ELP2: variants seen among roughly 807,000 people sequenced by gnomAD.
ELP2 encodes elongator complex protein 2.
A neutral mutation model predicts 119.2 loss-of-function variants in ELP2; 90 were observed. The ratio of observed to expected loss-of-function variants is 0.75; its 90% CI spans 0.64 to 0.90. ELP2 has a LOEUF of 0.90. ELP2 is among the 40% of genes least tolerant of loss of function. ELP2 has a pLI of 0.00. For missense variants in ELP2, 921 were observed against 967.8 expected, an observed-to-expected ratio of 0.95 and a Z score of 0.64; for synonymous variants, 339 against 331.0, an observed-to-expected ratio of 1.02 and a Z score of -0.26.
At chr18:36,134,444 G>A (rs1598735034) in intron 2 of ELP2, among the ~76,000 whole-genome samples, 1 of 152,214 alleles carries the variant, frequency 6.6e-6, no homozygotes, top group East Asian at 1.9e-4. Flanking sequence ...ATGTAAAATA[G>A]TTCCTCTCTT....
Position 36,142,889 on chromosome 18 carries a change from T to A in ELP2, c.719T>A (p.Ile240Lys). 6.2e-7 allele frequency: 1 copy of A among 1,604,160 alleles called. No individual in the cohort carries two copies. The highest frequency in any genetic ancestry group is 8.5e-7 in the Non-Finnish European group (1 of 1,171,842). ...CTGATAAGAATATGGAAGCTGTATA[T>A]AAAGTCAACATCTTTAGAAACTCAG... ...DCLIRIWKLY[I>K]KSTSLETQDD... The change falls in exon 8 of 22, where the codon ATA becomes AAA. Residue 240 changes from isoleucine to lysine, a missense_variant. By Grantham distance (102) the Ile-to-Lys change is moderately radical. Coordinates refer to ENST00000358232, the MANE Select transcript of ELP2 (RefSeq NM_018255.4).
chr18:36,130,482 T>C (rs1315472062), intron 1 of ELP2, among the ~76,000 whole-genome samples: 1 of 152,234 alleles, frequency 6.6e-6, no homozygotes, highest in African/African-American at 2.4e-5. Context: ...TCAGTTTTGG[T>C]TAATGAACTT....
rs748817821 is a variant in ELP2, at chr18:36,167,083, T to C, written c.1955-18T>C. The C allele has an allele frequency of 1.3e-5, 20 of 1,594,388 alleles. No homozygotes were observed. The East Asian group carries it at 3.8e-4, about 31-fold the overall frequency. On this transcript the variant is annotated intron_variant, in intron 18 of 21. Transcript: ENST00000358232. The stretch of plus-strand genomic sequence containing the variant: ...AGCTTTCTCTGCTTTGTGAATAGTG[T>C]ATACATATTTCTTTCAGAGCCAGTT...
rs772016433 is a variant in ELP2, at chr18:36,146,095, C to T, written c.993+47C>T. The T allele has an allele frequency of 7.5e-6, 12 of 1,594,398 alleles. No individual in the cohort carries two copies. The Admixed American group carries it at 1.5e-4, about 20-fold the overall frequency. On this transcript the variant is annotated intron_variant, in intron 10 of 21. Coordinates refer to ENST00000358232, the MANE Select transcript of ELP2 (RefSeq NM_018255.4). ...GGAACAGAAAATTAAGTTTTGAACT[C>T]TGTATTTAAATCCCAAGTCTATATT...
chr18:36,133,362 T>A, intron 2 of ELP2, 46 bp downstream of exon 2: 1 of 1,434,908 alleles, frequency 7.0e-7, no homozygotes, highest in Non-Finnish European at 9.8e-7. Flanking sequence ...TGTTTTCTGA[T>A]AAAATAAGGT....
Position 36,154,995 on chromosome 18 carries a change from C to G in ELP2, c.1271C>G (p.Ser424Ter). 6.2e-7 allele frequency: 1 copy of G among 1,611,704 alleles called. No homozygotes were observed. The highest frequency in any genetic ancestry group is 8.5e-7 in the Non-Finnish European group (1 of 1,177,860). Residue 424 changes from serine to a stop codon, truncating the protein, a stop_gained, in exon 12 of 22, where the codon TCA (serine) becomes TGA (stop). Coordinates refer to ENST00000358232, the MANE Select transcript of ELP2 (RefSeq NM_018255.4). LOFTEE classifies it high-confidence loss of function. ...GCTCCATGGAAGAGAAAAGACCAAT[C>G]ACAGGTAAAATGTCTTATTTATTTA... is the stretch of plus-strand genomic sequence containing the variant. ...LFAPWKRKDQ[S>*]QVTWHEIARP... is the part of the protein sequence containing the mutation.
chr18:36,149,349 G>A (rs921851703), intron 11 of ELP2, among the ~76,000 whole-genome samples: 2 of 152,076 alleles, frequency 1.3e-5, no homozygotes, highest in Admixed American at 6.6e-5. Context: ...TTACCACCAG[G>A]CAATGTAGCT....
chr18:36,179,289 C>G lies in ELP2; in HGVS notation c.*4648C>G, dbSNP rs980246358. 4 of 137,648 alleles carry G rather than the reference C, an allele frequency of 2.9e-5. No homozygotes were observed. Among genetic ancestry groups the G allele is most frequent in the East Asian group, 4.1e-4 (2 of 4,922 alleles). 8.5% of individuals were successfully genotyped at this position (137,648 alleles called of 1,614,324 possible). ...CCAGCCTGGCCAACATGGTGAAACC[C>G]CATCTCTACTAAAAATACAAAAAAA... On this transcript the variant is annotated 3_prime_UTR_variant, in exon 22 of 22. Transcript: ENST00000358232.
intron 3 of ELP2, among the ~76,000 whole-genome samples, chr18:36,136,983 AT>A (rs1245688440): frequency 6.6e-6 from 1 of 150,774 alleles, no homozygotes; most frequent in Non-Finnish European, 1.5e-5. Context: ...TTTTCAATAG[AT>A]TTAGTTTTTT....
chr18:36,135,605 C>G (rs557393372), intron 2 of ELP2, among the ~76,000 whole-genome samples: 1 of 152,262 alleles, frequency 6.6e-6, no homozygotes, highest in African/African-American at 2.4e-5. Flanking sequence ...CTTTTGTTAT[C>G]ACTGAGAAGT....
intron 18 of ELP2, 133 bp downstream of exon 18, chr18:36,164,800 T>C: frequency 1.1e-6 from 1 of 869,576 alleles, no homozygotes; most frequent in East Asian, 2.6e-5. Context: ...CCTTTCAAAG[T>C]TCTTGGATAA....
rs1479686262 is a variant in ELP2 at position 36,179,995 on chromosome 18, A to G, written c.*5354A>G. On this transcript the variant is annotated 3_prime_UTR_variant, in exon 22 of 22. Coordinates refer to ENST00000358232, the MANE Select transcript of ELP2 (RefSeq NM_018255.4). ...ACTGTGTGTGAAAAAAAATTGTAAA[A>G]TTTTCTTTCTGGTTTACGCAAGTTA... is the stretch of plus-strand genomic sequence containing the variant. The G allele has an allele frequency of 6.6e-6, 1 of 152,060 alleles. No homozygotes were observed. The highest frequency in any genetic ancestry group is 2.4e-5 in the African/African-American group (1 of 41,390). The allele number at this position is 152,060 out of a possible 1,614,324, so 9.4% of individuals were successfully genotyped here. A position where few individuals can be genotyped will look rare whatever the true frequency, so the allele number is the denominator to read the frequency against.
At chr18:36,172,108 TAAAAG>T (rs1264224043) in intron 21 of ELP2, among the ~76,000 whole-genome samples, 1 of 151,890 alleles carries the variant, frequency 6.6e-6, no homozygotes, top group African/African-American at 2.4e-5. Context: ...CTACCAAAAA[TAAAAG>T]AAATTAGCCA....
intron 15 of ELP2, 54 bp downstream of exon 15, chr18:36,159,884 CTA>C (rs2090681316): frequency 1.2e-6 from 2 of 1,601,994 alleles, no homozygotes; most frequent in African/African-American, 1.3e-5. Flanking sequence ...AGTATGTTAT[CTA>C]TTGCTGCTGA....
intron 8 of ELP2, among the ~76,000 whole-genome samples, chr18:36,144,296 C>G (rs2144641524): frequency 6.6e-6 from 1 of 152,048 alleles, no homozygotes; most frequent in African/African-American, 2.4e-5. Flanking sequence ...TGCATTTATC[C>G]TTTTAAAAAA....
At position 36,156,592 on chromosome 18, in the gene ELP2, C is replaced by T. The variant is rs749706917; in HGVS notation, c.1402C>T (p.Arg468Trp). ...EKVLRVFSAP[R>W]NFVENFCAIT... ...AGTTCTTCGGGTTTTTTCTGCACCT[C>T]GGAATTTTGTGGAAAATTTTTGTGC... The change falls in exon 13 of 22, where the codon CGG (arginine) becomes TGG (tryptophan). Residue 468 changes from arginine (R) to tryptophan (W), a missense_variant. Transcript: ENST00000358232. 1.2e-5 allele frequency: 20 copies of T among 1,613,926 alleles called. No individual in the cohort carries two copies. In the Admixed American group the frequency reaches 1.5e-4, roughly 12 times the overall value.
chr18:36,143,039 CACCT>C (rs1487504945), intron 8 of ELP2, 73 bp downstream of exon 8: 14 of 1,045,514 alleles, frequency 1.3e-5, no homozygotes, highest in Non-Finnish European at 2.0e-5. Flanking sequence ...TTTCACCACC[CACCT>C]ATGTGAAGGA....
At chr18:36,151,027 C>A (rs111933626) in intron 11 of ELP2, among the ~76,000 whole-genome samples, 33 of 152,098 alleles carry the variant, frequency 2.2e-4, no homozygotes, top group East Asian at 7.7e-4. Context: ...AGTTTCCCCC[C>A]CTATTGCCCC....
intron 6 of ELP2, among the ~76,000 whole-genome samples, chr18:36,142,057 G>A (rs1405546834): frequency 2.0e-5 from 3 of 151,954 alleles, no homozygotes; most frequent in Non-Finnish European, 2.9e-5. Context: ...TAAAATATTT[G>A]AGATTACAAA....
Sources: gnomAD v4.1 joint callset for allele counts (sites outside exome capture counted in the v4.1 genomes callset) on GRCh38, gnomAD v4.1.1 for gene constraint, MANE v1.5 for transcripts, NCBI Gene and HGNC (gene_info 2026-07-23, HGNC 2026-07-21) for gene names.